The following IL1RAPL1 variants were observed in gnomAD, a reference collection of about 807,000 sequenced individuals.
IL1RAPL1 encodes the protein interleukin 1 receptor accessory protein like 1.
Under a neutral mutation model 48.4 loss-of-function variants are expected in IL1RAPL1, and 3 were observed. That is an observed-to-expected ratio of 0.06 (90% confidence interval 0.03 to 0.16). The LOEUF is 0.16. Ranked by LOEUF, IL1RAPL1 falls within the 10% of genes least tolerant of loss-of-function variation. The pLI is 1.00. For missense variants in IL1RAPL1, 349 were observed against 530.6 expected (o/e 0.66, Z 3.36); for synonymous variants, 185 against 187.7 (o/e 0.99, Z 0.12).
chrX:29,698,346 T>G (rs1379568962), intron 6 of IL1RAPL1, among the ~76,000 whole-genome samples: 2 of 110,674 alleles, frequency 1.8e-5, no homozygotes, highest in African/African-American at 6.6e-5. Context: ...TTATTCAGTA[T>G]GCAGTTCTAA....
At chrX:29,855,222 G>T (rs1460750429) in intron 6 of IL1RAPL1, among the ~76,000 whole-genome samples, 1 of 111,582 alleles carries the variant, frequency 9.0e-6, no homozygotes, top group African/African-American at 3.3e-5. Flanking sequence ...TATCAGTGTA[G>T]GAGGAAATTC....
chrX:28,982,537 A>T (rs896259453), intron 2 of IL1RAPL1, among the ~76,000 whole-genome samples: 1 of 112,016 alleles, frequency 8.9e-6, no homozygotes, highest in Non-Finnish European at 1.9e-5. Context: ...TGCATTTAGT[A>T]CCTTTCTGTT....
At chrX:28,905,968 TGGGTAGTTTATA>T (rs1209124546) in intron 2 of IL1RAPL1, among the ~76,000 whole-genome samples, 1 of 111,911 alleles carries the variant, frequency 8.9e-6, no homozygotes, top group Non-Finnish European at 1.9e-5. Context: ...TACCCAAGAC[TGGGTAGTTTATA>T]AAAGTAAGAG....
chrX:29,042,161 GAAC>G (rs1314120337), intron 2 of IL1RAPL1, among the ~76,000 whole-genome samples: 1 of 112,063 alleles, frequency 8.9e-6, no homozygotes, highest in Non-Finnish European at 1.9e-5. Flanking sequence ...GCCATGAGCA[GAAC>G]AACTATATTT....
At position 29,425,688 on chromosome X, in the gene IL1RAPL1, G is replaced by A. The variant is rs12558029; in HGVS notation, c.703+26380G>A. On this transcript the variant is annotated intron_variant, in intron 5 of 10. Coordinates refer to ENST00000378993, the MANE Select transcript of IL1RAPL1 (RefSeq NM_014271.4). ...TCCGCCTCCTGGGCTCAAGCAATCC[G>A]CCCACCTCAGCATCCCAAGTAGCTG... is the stretch of plus-strand genomic sequence containing the variant. Among the ~76,000 whole-genome samples, 122 of 110,499 alleles carry A rather than the reference G, an allele frequency of 1.1e-3. 2 individuals carry two copies. Among genetic ancestry groups the A allele is most frequent in the Admixed American group, 9.3e-3 (97 of 10,394 alleles).
intron 2 of IL1RAPL1, among the ~76,000 whole-genome samples, chrX:29,106,975 C>T (rs182201213): frequency 8.4e-4 from 94 of 111,783 alleles, no homozygotes; most frequent in African/African-American, 3.0e-3. Context: ...AACTCAGTAT[C>T]TCAGTTCATG....
chrX:29,725,176 A>C (rs978153688), intron 6 of IL1RAPL1, among the ~76,000 whole-genome samples: 1 of 111,342 alleles, frequency 9.0e-6, no homozygotes, highest in Non-Finnish European at 1.9e-5. Context: ...GTCCTCATCC[A>C]TAAGGAAATT....
chrX:29,501,111 A>G (rs1406204639), intron 5 of IL1RAPL1, among the ~76,000 whole-genome samples: 1 of 111,963 alleles, frequency 8.9e-6, no homozygotes, highest in Non-Finnish European at 1.9e-5. Flanking sequence ...AGGAATGTCT[A>G]TTCTGATCTT....
At chrX:29,249,617 C>T (rs1410592042) in intron 2 of IL1RAPL1, among the ~76,000 whole-genome samples, 1 of 111,505 alleles carries the variant, frequency 9.0e-6, no homozygotes, top group Non-Finnish European at 1.9e-5. Context: ...TTTCCAATTA[C>T]TAAGCGATAT....
rs185767889 is a variant in IL1RAPL1 at position 28,780,499 on chromosome X, A to C, written c.-24-8821A>C. 2.7e-4 allele frequency among the ~76,000 whole-genome samples: 30 copies of C among 110,522 alleles called. No individual in the cohort carries two copies. The South Asian group carries it at 6.1e-3, about 23-fold the overall frequency. ...GTTGCATTGAGAAAATATTTTGCACAATGTGATTTATCAGGATGACTCTTG... is the reference window on the plus strand; with the variant it reads ...GTTGCATTGAGAAAATATTTTGCACCATGTGATTTATCAGGATGACTCTTG... On this transcript the variant is annotated intron_variant, in intron 1 of 10. Coordinates refer to ENST00000378993, the MANE Select transcript of IL1RAPL1 (RefSeq NM_014271.4).
chrX:29,954,090 G>T (rs1933366845), intron 9 of IL1RAPL1, among the ~76,000 whole-genome samples: 1 of 108,715 alleles, frequency 9.2e-6, no homozygotes, highest in African/African-American at 3.4e-5. Flanking sequence ...ACAAAAATTA[G>T]CTGGGTGTGG....
chrX:28,976,866 A>G (rs972274542), intron 2 of IL1RAPL1, among the ~76,000 whole-genome samples: 1 of 112,284 alleles, frequency 8.9e-6, no homozygotes, highest in Non-Finnish European at 1.9e-5. Flanking sequence ...GTAAAGTGCC[A>G]GATAGTAAAT....
chrX:29,802,984 TGTACA>T (rs1930027113), intron 6 of IL1RAPL1, among the ~76,000 whole-genome samples: 1 of 67,522 alleles, frequency 1.5e-5, no homozygotes, highest in African/African-American at 6.5e-5. Flanking sequence ...TACATACATG[TGTACA>T]TATATATGTA....
In IL1RAPL1 at chrX:29,955,591, A is replaced by G. The variant is rs371810135; in HGVS notation, c.1862A>G (p.Gln621Arg). 8.3e-7 allele frequency: 1 copy of G among 1,204,552 alleles called. No homozygotes were observed. Among genetic ancestry groups the G allele is most frequent in the Non-Finnish European group, 1.1e-6 (1 of 891,857 alleles). ...FHNTYHSQMRQKHYYRSYEYD... is the reference protein window; with the variant it reads ...FHNTYHSQMRRKHYYRSYEYD... ...AACACGTACCATTCACAAATGCGTC[A>G]GAAACACTACTACCGAAGCTATGAG... The change falls in exon 11 of 11, where the codon CAG becomes CGG. Residue 621 changes from glutamine to arginine, a missense_variant. Physicochemically the swap from Gln to Arg is conservative, Grantham distance 43. Around this residue, in one of 3 missense-constraint regions of IL1RAPL1, gnomAD observed 65 missense variants for 79.6 expected, o/e 0.82. Coordinates refer to ENST00000378993, the MANE Select transcript of IL1RAPL1 (RefSeq NM_014271.4).
chrX:29,334,292 A>C (rs1186408963), intron 3 of IL1RAPL1, among the ~76,000 whole-genome samples: 2 of 58,659 alleles, frequency 3.4e-5, no homozygotes, highest in Admixed American at 1.7e-4. Flanking sequence ...GGCGCCCCTC[A>C]CCTCCCGGAC....
At chrX:28,720,473 C>A (rs1024083437) in intron 1 of IL1RAPL1, among the ~76,000 whole-genome samples, 5 of 111,973 alleles carry the variant, frequency 4.5e-5, no homozygotes, top group Non-Finnish European at 9.4e-5. Flanking sequence ...GTATTTTTCC[C>A]TCTACTCTTC....
At chrX:29,652,797 AT>A (rs778386707) in intron 5 of IL1RAPL1, among the ~76,000 whole-genome samples, 30 of 112,014 alleles carry the variant, frequency 2.7e-4, no homozygotes, top group Non-Finnish European at 4.9e-4. Context: ...CTGATCAGTT[AT>A]CTTGGAGACC....
intron 1 of IL1RAPL1, among the ~76,000 whole-genome samples, chrX:28,701,693 A>G (rs1277546110): frequency 2.7e-5 from 3 of 111,568 alleles, no homozygotes. Flanking sequence ...CAGCCCATGT[A>G]GGAAGAGATT....
At chrX:28,876,729 A>G (rs1035627229) in intron 2 of IL1RAPL1, among the ~76,000 whole-genome samples, 1 of 102,224 alleles carries the variant, frequency 9.8e-6, no homozygotes, top group Non-Finnish European at 2.0e-5. Context: ...ATTGAATGAA[A>G]TGCACCCTCA....
Sources: allele counts gnomAD v4.1 joint callset (sites outside exome capture counted in the v4.1 genomes callset), GRCh38; gene constraint gnomAD v4.1.1; regional missense constraint gnomAD v4.1.1; transcripts MANE v1.5; gene names NCBI Gene and HGNC (gene_info 2026-07-23, HGNC 2026-07-21).